CD300LG: variants seen among roughly 807,000 people sequenced by gnomAD.
CD300LG encodes the protein CMRF35-like molecule 9.
CD300LG carries 29 observed loss-of-function variants against 31.5 expected under a neutral mutation model. The observed-to-expected ratio is 0.92, with a 90% confidence interval of 0.68 to 1.25. The LOEUF is 1.25. Among genes scored for constraint, CD300LG ranks in the 50% most tolerant of loss-of-function variants. The probability of loss-of-function intolerance (pLI) is 0.00; values close to 1 mark genes in which losing one functional copy is unlikely to be tolerated. For synonymous variants in CD300LG, 175 were observed against 177.2 expected (o/e 0.99, Z 0.10); for missense variants, 396 against 417.6 (o/e 0.95, Z 0.45).
At position 43,861,882 on chromosome 17, in the gene CD300LG, C is replaced by T. The variant is rs2046662138; in HGVS notation, c.970C>T (p.Leu324=). The change falls in exon 7 of 7, where the codon CTG becomes TTG. Residue 324 remains leucine (L), a synonymous_variant. Coordinates refer to ENST00000317310, the MANE Select transcript of CD300LG (RefSeq NM_145273.4). ...MPPLHTSEEE[L]GFSKFVSA is the part of the protein sequence containing the mutation. ...TCCCCTCCACACATCTGAGGAGGAGCTGGGCTTCTCGAAGTTTGTCTCAGC... is the reference window on the plus strand; with the variant it reads ...TCCCCTCCACACATCTGAGGAGGAGTTGGGCTTCTCGAAGTTTGTCTCAGC... 2.5e-6 allele frequency: 4 copies of T among 1,611,762 alleles called. No individual in the cohort carries two copies. In the East Asian group the frequency reaches 8.9e-5, roughly 36 times the overall value.
At chr17:43,850,786 A>G (rs1255596849) in intron 2 of CD300LG, among the ~76,000 whole-genome samples, 1 of 152,092 alleles carries the variant, frequency 6.6e-6, no homozygotes, top group Non-Finnish European at 1.5e-5. Flanking sequence ...CCAGCCTACT[A>G]TCATTTTCTT....
At chr17:43,857,357 G>C (rs1019542540) in intron 6 of CD300LG, 2 of 1,523,274 alleles carry the variant, frequency 1.3e-6, no homozygotes, top group South Asian at 2.4e-5. Flanking sequence ...TGCCCATGGG[G>C]GACTCACAGG....
At chr17:43,850,991 C>G (rs555469899) in intron 2 of CD300LG, among the ~76,000 whole-genome samples, 1 of 151,828 alleles carries the variant, frequency 6.6e-6, no homozygotes, top group East Asian at 1.9e-4. Context: ...AAAAATTAGC[C>G]GGGCATAGTG....
intron 3 of CD300LG, among the ~76,000 whole-genome samples, chr17:43,853,564 A>G (rs1276681572): frequency 6.6e-6 from 1 of 152,004 alleles, no homozygotes; most frequent in East Asian, 1.9e-4. Context: ...CAGAGGCAAC[A>G]AGCTGTGGGC....
chr17:43,854,663 G>C (rs1043001176), intron 4 of CD300LG, among the ~76,000 whole-genome samples: 1 of 152,128 alleles, frequency 6.6e-6, no homozygotes, highest in Non-Finnish European at 1.5e-5. Flanking sequence ...CCACATGCCA[G>C]TGACACCAGC....
In CD300LG at chr17:43,848,711, A is replaced by C. The variant is rs768136580; in HGVS notation, c.197A>C (p.Tyr66Ser). The C allele has an allele frequency of 6.2e-7, 1 of 1,614,118 alleles. No individual in the cohort carries two copies. Among genetic ancestry groups the C allele is most frequent in the South Asian group, 1.1e-5 (1 of 91,080 alleles). The change falls in exon 2 of 7, where the codon TAT (tyrosine) becomes TCT (serine). Residue 66 changes from tyrosine to serine, a missense_variant. Transcript: ENST00000317310. ...ILFSRCSGTI[Y>S]AEEEGQETMK... ...TTCTCTCGCTGCTCTGGCACCATCT[A>C]TGCAGAAGAAGAAGGCCAGGAGACA...
At chr17:43,857,767 G>C (rs1404672328) in intron 6 of CD300LG, 1 of 1,537,014 alleles carries the variant, frequency 6.5e-7, no homozygotes, top group African/African-American at 1.4e-5. Flanking sequence ...CAGATTTCTT[G>C]ACTCCTGCTC....
Position 43,853,974 on chromosome 17 carries a change from C to A in CD300LG, c.649C>A (p.Pro217Thr), listed in dbSNP as rs565818799. 39 of 1,614,086 alleles carry A rather than the reference C, an allele frequency of 2.4e-5. No individual in the cohort carries two copies. The highest frequency in any genetic ancestry group is 3.2e-5 in the Non-Finnish European group (38 of 1,180,030). The part of the protein sequence containing the change: ...TSPPAGSSRP[P>T]MQLDSTSAED... ...TCCTCCTGCAGGGAGCTCCCGCCCC[C>A]CCATGCAGCTGGACTCCACCTCAGC... Residue 217 changes from proline (P) to threonine (T), a missense_variant, in exon 4 of 7, where the codon CCC becomes ACC. Pro to Thr is a conservative substitution (Grantham distance 38). Transcript: ENST00000317310.
At chr17:43,857,902 G>T in intron 6 of CD300LG, 1 of 1,536,532 alleles carries the variant, frequency 6.5e-7, no homozygotes, top group Non-Finnish European at 8.7e-7. Flanking sequence ...AGAGAATAAG[G>T]GTCCCTGTGC....
intron 4 of CD300LG, 29 bp from the exon 5 acceptor site, chr17:43,855,178 C>T: frequency 6.6e-7 from 1 of 1,506,832 alleles, no homozygotes; most frequent in Non-Finnish European, 9.0e-7. Context: ...CTGGTAACAG[C>T]CACTAGGCTC....
At chr17:43,854,093 A>C in intron 4 of CD300LG, 49 bp downstream of exon 4, 1 of 1,420,256 alleles carries the variant, frequency 7.0e-7, no homozygotes, top group Non-Finnish European at 9.8e-7. Context: ...ACTAAACCAT[A>C]AGGTGCCTTT....
chr17:43,849,628 TG>T (rs2046291348), intron 2 of CD300LG: 1 of 152,248 alleles, frequency 6.6e-6, no homozygotes, highest in Non-Finnish European at 1.5e-5. Context: ...CTGGCCAGTG[TG>T]GGCGAGGTAC....
Position 43,861,893 on chromosome 17 carries a change from G to A in CD300LG, c.981G>A (p.Ser327=), listed in dbSNP as rs756841085. 36 of 1,610,574 alleles carry A rather than the reference G, an allele frequency of 2.2e-5. 1 individual carries two copies. In the Admixed American group the frequency reaches 3.7e-4, roughly 16 times the overall value. ...CATCTGAGGAGGAGCTGGGCTTCTC[G>A]AAGTTTGTCTCAGCGTAGGGCAGGA... is the stretch of plus-strand genomic sequence containing the variant. ...LHTSEEELGF[S]KFVSA The change falls in exon 7 of 7, where the codon TCG becomes TCA. Residue 327 remains serine (S), a synonymous_variant. Coordinates refer to ENST00000317310, the MANE Select transcript of CD300LG (RefSeq NM_145273.4).
intron 6 of CD300LG, chr17:43,857,703 A>T: frequency 7.3e-7 from 1 of 1,379,176 alleles, no homozygotes; most frequent in Non-Finnish European, 1.0e-6. Context: ...AGAGAGGGTA[A>T]AGGTCTTGCC....
Position 43,853,956 on chromosome 17 carries a change from G to T in CD300LG, c.631G>T (p.Ala211Ser), listed in dbSNP as rs552417566. ...TCCTCACCCAGCGACCTCTCCTCCT[G>T]CAGGGAGCTCCCGCCCCCCCATGCA... ...TSPHPATSPP[A>S]GSSRPPMQLD... The change falls in exon 4 of 7, where the codon GCA (alanine) becomes TCA (serine). Residue 211 changes from alanine to serine, a missense_variant. Coordinates refer to ENST00000317310, the MANE Select transcript of CD300LG (RefSeq NM_145273.4). 19 of 1,614,166 alleles carry T rather than the reference G, an allele frequency of 1.2e-5. No homozygotes were observed. In the East Asian group the frequency reaches 4.2e-4, roughly 36 times the overall value.
At chr17:43,853,604 T>C (rs1168023592) in intron 3 of CD300LG, among the ~76,000 whole-genome samples, 2 of 152,072 alleles carry the variant, frequency 1.3e-5, no homozygotes, top group Admixed American at 6.5e-5. Flanking sequence ...CATGCACAGC[T>C]GTGGGGTGTG....
Position 43,855,305 on chromosome 17 carries a change from T to C in CD300LG, c.818T>C (p.Leu273Pro), listed in dbSNP as rs1316203289. ...ATCGCCTTCTGCAGCCACCTGCTCC[T>C]GTGGAGAAAGGAAGGTGAGCAAAGG... is the stretch of plus-strand genomic sequence containing the variant. ...GLIAFCSHLL[L>P]WRKEAQQATE... The change falls in exon 5 of 7, where the codon CTG becomes CCG. Residue 273 changes from leucine to proline, a missense_variant. Physicochemically the swap from Leu to Pro is moderately conservative, Grantham distance 98. Transcript: ENST00000317310. 2 of 1,587,410 alleles carry C rather than the reference T, an allele frequency of 1.3e-6. No homozygotes were observed.
intron 6 of CD300LG, chr17:43,858,445 C>G: frequency 1.0e-6 from 1 of 985,470 alleles, no homozygotes; most frequent in Non-Finnish European, 1.2e-6. Context: ...AGCTCCCATG[C>G]TACTGCCTTC....
chr17:43,849,769 C>T (rs1388902317), intron 2 of CD300LG: 2 of 152,212 alleles, frequency 1.3e-5, no homozygotes, highest in East Asian at 3.8e-4. Flanking sequence ...TTGATGTCTG[C>T]TTTATTCCTC....
Sources: gnomAD v4.1 joint callset for allele counts (sites outside exome capture counted in the v4.1 genomes callset) on GRCh38, gnomAD v4.1.1 for gene constraint, MANE v1.5 for transcripts, NCBI Gene and HGNC (gene_info 2026-07-23, HGNC 2026-07-21) for gene names.